Variants in RCAN2 observed in about 807,000 individuals in gnomAD.
The protein encoded by RCAN2 is calcipressin-2.
In RCAN2, 9 loss-of-function variants were observed where a neutral mutation model predicts 23.6. That is an observed-to-expected ratio of 0.38 (90% CI 0.23 to 0.67). The LOEUF is 0.67. Ranked by LOEUF, RCAN2 falls within the 30% of genes least tolerant of loss-of-function variation. RCAN2 has a pLI of 0.51. For missense variants in RCAN2, 273 were observed against 302.3 expected (o/e 0.90, Z 0.72); for synonymous variants, 109 against 115.7 (o/e 0.94, Z 0.37).
intron 2 of RCAN2, among the ~76,000 whole-genome samples, chr6:46,313,494 T>TAGG (rs1763331145): frequency 6.6e-6 from 1 of 152,224 alleles, no homozygotes; most frequent in East Asian, 1.9e-4. Flanking sequence ...TCCCATAGCC[T>TAGG]TCAACCTAAA....
At chr6:46,320,397 C>T (rs1763574764) in intron 2 of RCAN2, among the ~76,000 whole-genome samples, 3 of 152,132 alleles carry the variant, frequency 2.0e-5, no homozygotes, top group African/African-American at 7.2e-5. Flanking sequence ...TCACTCTCAC[C>T]ATACAAAACA....
intron 2 of RCAN2, among the ~76,000 whole-genome samples, chr6:46,291,930 C>T (rs911593352): frequency 6.6e-6 from 1 of 152,186 alleles, no homozygotes; most frequent in Non-Finnish European, 1.5e-5. Context: ...GGCGAAGATA[C>T]AGAGACATGA....
intron 4 of RCAN2, among the ~76,000 whole-genome samples, chr6:46,231,267 A>T (rs1471035829): frequency 1.3e-5 from 2 of 152,144 alleles, no homozygotes; most frequent in Non-Finnish European, 1.5e-5. Context: ...CCAAGGAACT[A>T]CCCAAAGCTA....
In RCAN2 at chr6:46,456,929, C is replaced by CT; in HGVS notation, c.47dup (p.His18ThrfsTer4). 6.4e-7 allele frequency: 1 copy of CT among 1,550,868 alleles called. No individual in the cohort carries two copies. Among genetic ancestry groups the CT allele is most frequent in the Non-Finnish European group, 8.7e-7 (1 of 1,147,052 alleles). Reference sequence around the variant, plus strand: ...GTCCTCCATCTTCAGGGACGTGTCCCTGCTGCCCTGGGCTCCTCATTCCGA... The same window carrying CT: ...GTCCTCCATCTTCAGGGACGTGTCCCTTGCTGCCCTGGGCTCCTCATTCCGA... On this transcript the variant is annotated frameshift_variant, in exon 2 of 5. Coordinates refer to ENST00000371374, the MANE Select transcript of RCAN2 (RefSeq NM_001251974.2). LOFTEE classifies it high-confidence loss of function.
At chr6:46,436,607 G>C (rs149151206) in intron 2 of RCAN2, among the ~76,000 whole-genome samples, 2 of 152,282 alleles carry the variant, frequency 1.3e-5, no homozygotes, top group Non-Finnish European at 2.9e-5. Flanking sequence ...CAGTTAACTA[G>C]GATCAAGACA....
At chr6:46,367,525 A>C (rs1377738827) in intron 2 of RCAN2, among the ~76,000 whole-genome samples, 4 of 152,194 alleles carry the variant, frequency 2.6e-5, no homozygotes, top group African/African-American at 9.7e-5. Flanking sequence ...TTGAAATGTC[A>C]GTTCAAGATC....
rs556986430 is a variant in RCAN2 at position 46,444,859 on chromosome 6, GCCTCC to G, written c.225+11888_225+11892del. 2.6e-5 allele frequency among the ~76,000 whole-genome samples: 4 copies of G among 152,212 alleles called. No homozygotes were observed. The South Asian group carries it at 8.3e-4, about 32-fold the overall frequency. On this transcript the variant is annotated intron_variant, in intron 2 of 4. Coordinates refer to ENST00000371374, the MANE Select transcript of RCAN2 (RefSeq NM_001251974.2). ...CAGCACCTGTGGCCCCAAGACCCAG[GCCTCC>G]CTTCATGTACTTAGCCTCTAGGCCA...
chr6:46,477,718 C>T (rs762419328), intron 1 of RCAN2, among the ~76,000 whole-genome samples: 6 of 152,138 alleles, frequency 3.9e-5, no homozygotes, highest in Non-Finnish European at 5.9e-5. Flanking sequence ...CTACAAAAAT[C>T]GATGCCATCC....
intron 2 of RCAN2, among the ~76,000 whole-genome samples, chr6:46,328,051 A>T (rs2150365397): frequency 1.3e-5 from 2 of 152,348 alleles, no homozygotes; most frequent in Non-Finnish European, 2.9e-5. Flanking sequence ...GAATTATTTC[A>T]CACTTTATGT....
At chr6:46,469,922 C>G (rs1268007969) in intron 1 of RCAN2, among the ~76,000 whole-genome samples, 1 of 152,086 alleles carries the variant, frequency 6.6e-6, no homozygotes, top group Admixed American at 6.5e-5. Flanking sequence ...GTGGAGGATA[C>G]AGCAATAAGG....
chr6:46,405,829 TG>T (rs1766384337), intron 2 of RCAN2, among the ~76,000 whole-genome samples: 1 of 152,154 alleles, frequency 6.6e-6, no homozygotes, highest in Non-Finnish European at 1.5e-5. Flanking sequence ...GGTGCTCCTC[TG>T]GGAGGCTCGG....
intron 2 of RCAN2, among the ~76,000 whole-genome samples, chr6:46,417,623 A>G (rs1309514191): frequency 2.0e-5 from 3 of 152,204 alleles, no homozygotes; most frequent in Non-Finnish European, 4.4e-5. Context: ...CTGTTCCCCA[A>G]ACAATACAGG....
chr6:46,272,903 C>T (rs565896761), intron 2 of RCAN2, among the ~76,000 whole-genome samples: 38 of 152,160 alleles, frequency 2.5e-4, no homozygotes, highest in Admixed American at 3.9e-4. Flanking sequence ...ATGGAGGTTC[C>T]AAGATGTTAT....
chr6:46,431,353 G>T (rs374429681), intron 2 of RCAN2, among the ~76,000 whole-genome samples: 2 of 152,098 alleles, frequency 1.3e-5, no homozygotes, highest in East Asian at 1.9e-4. Context: ...TTACAGGTGT[G>T]AGCCACATGC....
At position 46,222,922 on chromosome 6, in the gene RCAN2, C is replaced by T; in HGVS notation, c.*219G>A. The T allele has an allele frequency of 1.8e-6, 1 of 540,680 alleles. No individual in the cohort carries two copies. The highest frequency in any genetic ancestry group is 3.2e-5 in the East Asian group (1 of 31,066). The allele number at this position is 540,680 out of a possible 1,614,324, so 33.5% of individuals were successfully genotyped here. A position where few individuals can be genotyped will look rare whatever the true frequency, so the allele number is the denominator to read the frequency against. On this transcript the variant is annotated 3_prime_UTR_variant, in exon 5 of 5. Coordinates refer to ENST00000371374, the MANE Select transcript of RCAN2 (RefSeq NM_001251974.2). Reference sequence around the variant, plus strand: ...TTAATAAGAAAATACTACTTTTTTCCCTAGAACCTTCTAAATAATGGGTTA... The same window carrying T: ...TTAATAAGAAAATACTACTTTTTTCTCTAGAACCTTCTAAATAATGGGTTA...
intron 1 of RCAN2, among the ~76,000 whole-genome samples, chr6:46,475,209 C>G (rs978176714): frequency 2.6e-5 from 4 of 152,168 alleles, no homozygotes; most frequent in African/African-American, 9.6e-5. Flanking sequence ...GGGGAGAAAC[C>G]CTCTAATAGC....
At chr6:46,491,556 C>A (rs1769154647), upstream of RCAN2, among the ~76,000 whole-genome samples, 1 of 152,072 alleles carries the variant, frequency 6.6e-6, no homozygotes, top group African/African-American at 2.4e-5. Flanking sequence ...AAACCGAAAG[C>A]CCCTGTCTGG....
intron 2 of RCAN2, among the ~76,000 whole-genome samples, chr6:46,325,187 G>A (rs932162069): frequency 1.3e-5 from 2 of 152,168 alleles, no homozygotes; most frequent in Admixed American, 1.3e-4. Context: ...AGAAACAATG[G>A]CAGACCTTGT....
At chr6:46,431,285 A>G (rs545909964) in intron 2 of RCAN2, among the ~76,000 whole-genome samples, 18 of 152,180 alleles carry the variant, frequency 1.2e-4, no homozygotes, top group Admixed American at 2.0e-4. Flanking sequence ...GGCTCACTGC[A>G]GCCTCCACCT....
Sources: allele counts gnomAD v4.1 joint callset (sites outside exome capture counted in the v4.1 genomes callset), GRCh38; gene constraint gnomAD v4.1.1; transcripts MANE v1.5; gene names NCBI Gene and HGNC (gene_info 2026-07-23, HGNC 2026-07-21).